UBE2E2: variants seen among roughly 807,000 people sequenced by gnomAD.
The protein encoded by UBE2E2 is ubiquitin conjugating enzyme E2 E2, also known as ubiquitin-conjugating enzyme E2 E2.
A neutral mutation model predicts 24.7 loss-of-function variants in UBE2E2; 6 were observed. The observed-to-expected ratio is 0.24, with a 90% CI of 0.13 to 0.48. The LOEUF is 0.48. Ranked by LOEUF, UBE2E2 falls within the 20% of genes least tolerant of loss-of-function variation. The pLI is 0.99. For synonymous variants in UBE2E2, 104 were observed against 83.6 expected (o/e 1.24, Z -1.33); for missense variants, 169 against 245.0 (o/e 0.69, Z 2.07).
intron 3 of UBE2E2, among the ~76,000 whole-genome samples, chr3:23,224,366 C>A (rs1696758335): frequency 6.6e-6 from 1 of 151,382 alleles, no homozygotes; most frequent in African/African-American, 2.4e-5. Context: ...TTGTATGAGT[C>A]TTTCACTTCT....
chr3:23,298,160 T>C (rs1698965217), intron 3 of UBE2E2, among the ~76,000 whole-genome samples: 1 of 152,240 alleles, frequency 6.6e-6, no homozygotes, highest in Non-Finnish European at 1.5e-5. Context: ...TTTGCTGAAG[T>C]TGCTTATCAG....
chr3:23,319,829 C>T (rs566098867), intron 3 of UBE2E2, among the ~76,000 whole-genome samples: 1 of 150,642 alleles, frequency 6.6e-6, no homozygotes, highest in Non-Finnish European at 1.5e-5. Flanking sequence ...AAAAGAACAA[C>T]AAAAAACAAA....
chr3:23,326,049 A>G (rs887016074), intron 3 of UBE2E2, among the ~76,000 whole-genome samples: 3 of 152,178 alleles, frequency 2.0e-5, no homozygotes, highest in Non-Finnish European at 4.4e-5. Context: ...CTTCTTGTAG[A>G]TACATGCTTT....
At chr3:23,235,169 A>G (rs1575491711) in intron 3 of UBE2E2, among the ~76,000 whole-genome samples, 1 of 152,212 alleles carries the variant, frequency 6.6e-6, no homozygotes, top group Non-Finnish European at 1.5e-5. Flanking sequence ...AAAACAAAAC[A>G]GAAAAATTGC....
At chr3:23,271,746 C>A (rs1466245014) in intron 3 of UBE2E2, among the ~76,000 whole-genome samples, 1 of 152,122 alleles carries the variant, frequency 6.6e-6, no homozygotes, top group African/African-American at 2.4e-5. Flanking sequence ...TGTTTACAAA[C>A]CTTGAGATAG....
intron 5 of UBE2E2, chr3:23,534,393 CCTAA>C (rs1471121441): frequency 4.7e-6 from 1 of 213,234 alleles, no homozygotes; most frequent in African/African-American, 2.4e-5. Context: ...AAAAATCACT[CCTAA>C]CTAAAGCAGA....
intron 3 of UBE2E2, among the ~76,000 whole-genome samples, chr3:23,330,055 A>AT (rs1283730320): frequency 6.6e-6 from 1 of 152,238 alleles, no homozygotes; most frequent in African/African-American, 2.4e-5. Context: ...TACCCCATAC[A>AT]TTTTAGTACA....
intron 3 of UBE2E2, among the ~76,000 whole-genome samples, chr3:23,341,196 G>T (rs76001520): frequency 0.029 from 4,390 of 152,192 alleles, 110 homozygotes; most frequent in East Asian, 0.13. Context: ...GACCTAAAGA[G>T]CAGACTGGGA....
At chr3:23,559,624 C>T (rs1330980295) in intron 5 of UBE2E2, among the ~76,000 whole-genome samples, 1 of 152,000 alleles carries the variant, frequency 6.6e-6, no homozygotes, top group Non-Finnish European at 1.5e-5. Flanking sequence ...CACTCCTTTC[C>T]TTTCTTTCTT....
At chr3:23,406,986 G>A (rs1655176595) in intron 3 of UBE2E2, among the ~76,000 whole-genome samples, 1 of 152,184 alleles carries the variant, frequency 6.6e-6, no homozygotes, top group African/African-American at 2.4e-5. Context: ...AGGGTCCACA[G>A]GAAAGCCCAT....
chr3:23,314,319 G>A (rs976509099), intron 3 of UBE2E2, among the ~76,000 whole-genome samples: 10 of 152,028 alleles, frequency 6.6e-5, no homozygotes, highest in African/African-American at 2.2e-4. Context: ...TGTAGATAAC[G>A]TGATTTCATC....
intron 5 of UBE2E2, among the ~76,000 whole-genome samples, chr3:23,553,534 A>C (rs1178133018): frequency 6.6e-6 from 1 of 152,158 alleles, no homozygotes; most frequent in Non-Finnish European, 1.5e-5. Flanking sequence ...TAACCACCCA[A>C]AATTGGACAT....
intron 5 of UBE2E2, among the ~76,000 whole-genome samples, chr3:23,561,704 G>T (rs528996792): frequency 6.6e-6 from 1 of 152,176 alleles, no homozygotes; most frequent in South Asian, 2.1e-4. Context: ...CTACCCATGA[G>T]CATGGAATGT....
intron 3 of UBE2E2, among the ~76,000 whole-genome samples, chr3:23,352,260 A>G (rs1008602976): frequency 1.3e-5 from 2 of 152,022 alleles, no homozygotes; most frequent in Admixed American, 6.5e-5. Flanking sequence ...TTATAGCACT[A>G]AATGCCCACA....
intron 4 of UBE2E2, among the ~76,000 whole-genome samples, chr3:23,504,912 C>CTTTTTTTTCTTTTTTT (rs1694401521): frequency 1.1e-5 from 1 of 95,072 alleles, no homozygotes; most frequent in South Asian, 4.2e-4. Context: ...GACATTCTTT[C>CTTTTTTTTCTTTTTTT]TTTTTTTTTT....
intron 3 of UBE2E2, among the ~76,000 whole-genome samples, chr3:23,313,331 C>A (rs1450602055): frequency 1.4e-5 from 2 of 146,026 alleles, no homozygotes; most frequent in African/African-American, 5.1e-5. Context: ...TATTTTCAGT[C>A]TCTTTGTGTC....
At chr3:23,525,259 T>C (rs1694967550) in intron 4 of UBE2E2, among the ~76,000 whole-genome samples, 1 of 152,148 alleles carries the variant, frequency 6.6e-6, no homozygotes, top group Admixed American at 6.5e-5. Context: ...CACAAGGCTG[T>C]TTTTATCATG....
chr3:23,335,598 A>G (rs1695183915), intron 3 of UBE2E2, among the ~76,000 whole-genome samples: 1 of 152,168 alleles, frequency 6.6e-6, no homozygotes. Flanking sequence ...TGGCACTATC[A>G]TGGCTCACTC....
intron 1 of UBE2E2, among the ~76,000 whole-genome samples, chr3:23,205,882 T>A (rs983182116): frequency 6.6e-6 from 1 of 152,200 alleles, no homozygotes; most frequent in African/African-American, 2.4e-5. Context: ...TGAGTAATCT[T>A]TTTAAGTAAT....
Sources: allele counts gnomAD v4.1 joint callset (sites outside exome capture counted in the v4.1 genomes callset), GRCh38; gene constraint gnomAD v4.1.1; transcripts MANE v1.5; gene names NCBI Gene and HGNC (gene_info 2026-07-23, HGNC 2026-07-21).